NUP50: variants seen among roughly 807,000 people sequenced by gnomAD.
The protein encoded by NUP50 is nuclear pore complex protein Nup50.
A neutral mutation model predicts 36.8 loss-of-function variants in NUP50; 14 were observed. The ratio of observed to expected loss-of-function variants is 0.38; its 90% CI spans 0.25 to 0.59. The LOEUF (loss-of-function observed/expected upper bound fraction) is 0.59. Among genes scored for constraint, NUP50 ranks in the 20% least tolerant of loss-of-function variants. The probability of loss-of-function intolerance (pLI) is 0.63; values close to 1 mark genes in which losing one functional copy is unlikely to be tolerated. For missense variants in NUP50, 455 were observed against 564.6 expected (o/e 0.81, Z 1.97); for synonymous variants, 195 against 210.8 (o/e 0.93, Z 0.65).
At chr22:45,176,867 G>A (rs945350203) in intron 4 of NUP50, among the ~76,000 whole-genome samples, 2 of 151,734 alleles carry the variant, frequency 1.3e-5, no homozygotes, top group African/African-American at 4.8e-5. Context: ...TCAGCCTCCC[G>A]AGTAGCTGGG....
At chr22:45,182,163 A>G (rs2074383560) in intron 6 of NUP50, among the ~76,000 whole-genome samples, 1 of 151,968 alleles carries the variant, frequency 6.6e-6, no homozygotes, top group South Asian at 2.1e-4. Context: ...AAATGAGGCC[A>G]GGCATGGTGG....
chr22:45,178,304 A>G lies in NUP50; in HGVS notation c.407A>G (p.Asp136Gly), dbSNP rs1302104280. 5 of 1,613,886 alleles carry G rather than the reference A, an allele frequency of 3.1e-6. No homozygotes were observed. The African/African-American group carries it at 6.7e-5, about 22-fold the overall frequency. ...DKVSNPKTNGDSQQPSSSGLA... is the reference protein window; with the variant it reads ...DKVSNPKTNGGSQQPSSSGLA... ...GTTTCAAATCCCAAAACTAATGGGG[A>G]CAGTCAGCAGCCCTCCTCCTCTGGC... The change falls in exon 5 of 8, where the codon GAC becomes GGC. Residue 136 changes from aspartate to glycine, a missense_variant. Transcript: ENST00000347635.
Position 45,181,143 on chromosome 22 carries a change from C to A in NUP50, c.1004-143C>A, listed in dbSNP as rs574662177. 8.7e-5 allele frequency: 15 copies of A among 172,850 alleles called. 1 individual carries two copies. Among genetic ancestry groups the A allele is most frequent in the Non-Finnish European group, 1.7e-4 (14 of 82,346 alleles). The allele number at this position is 172,850 out of a possible 1,614,324, so 10.7% of individuals were successfully genotyped here. ...GGTACTCCCTTCTGGCATCCCCCCCCCCCCCCATTAAGTGTGCATTTTAGT... is the reference window on the plus strand; with the variant it reads ...GGTACTCCCTTCTGGCATCCCCCCCACCCCCCATTAAGTGTGCATTTTAGT... On this transcript the variant is annotated intron_variant, in intron 5 of 7. Transcript: ENST00000347635.
chr22:45,184,193 G>T, intron 7 of NUP50: 1 of 492,130 alleles, frequency 2.0e-6, no homozygotes, highest in Admixed American at 3.7e-5. Context: ...GAGCGAGGCT[G>T]CTGGCTCTGA....
At position 45,185,915 on chromosome 22, in the gene NUP50, G is replaced by A. The variant is rs1601796299; in HGVS notation, c.*1260G>A. On this transcript the variant is annotated 3_prime_UTR_variant, in exon 8 of 8. Transcript: ENST00000347635. ...TAGTACCAGCTGATCTTGTGTACAG[G>A]CTCAGGGTCAGTGCCCAAGGGCTCC... The A allele has an allele frequency of 6.6e-6, 1 of 152,214 alleles. No individual in the cohort carries two copies. The highest frequency in any genetic ancestry group is 2.4e-5 in the African/African-American group (1 of 41,444). 9.4% of individuals were successfully genotyped at this position (152,214 alleles called of 1,614,324 possible). A position where few individuals can be genotyped will look rare whatever the true frequency, so the allele number is the denominator to read the frequency against.
rs772338263 is a variant in NUP50, at chr22:45,185,316, G to T, written c.*661G>T. On this transcript the variant is annotated 3_prime_UTR_variant, in exon 8 of 8. Transcript: ENST00000347635. ...TGAACAGCTTGTGAAGGAGTTTTTT[G>T]GCTTCATAGTTTCTATTCATGAGGT... 73 of 152,672 alleles carry T rather than the reference G, an allele frequency of 4.8e-4. No individual in the cohort carries two copies. The highest frequency in any genetic ancestry group is 7.6e-4 in the Non-Finnish European group (52 of 68,338). The allele number at this position is 152,672 out of a possible 1,614,324, so 9.5% of individuals were successfully genotyped here.
chr22:45,170,433 C>T (rs998612870), intron 2 of NUP50, among the ~76,000 whole-genome samples: 2 of 152,176 alleles, frequency 1.3e-5, no homozygotes, highest in East Asian at 3.8e-4. Context: ...TCTGTAACCA[C>T]GACTTTCAGG....
In NUP50 at chr22:45,171,209, A is replaced by T. The variant is rs1020910397; in HGVS notation, c.70-391A>T. The T allele has an allele frequency of 6.2e-6, 7 of 1,123,170 alleles. No homozygotes were observed. In the South Asian group the frequency reaches 9.6e-5, roughly 15 times the overall value. 69.6% of individuals were successfully genotyped at this position (1,123,170 alleles called of 1,614,324 possible). ...TATAAATAACAAAATTTATTTATTT[A>T]TTTTTTTGAGACAGTCTTGCTCTGT... On this transcript the variant is annotated intron_variant, in intron 2 of 7. Coordinates refer to ENST00000347635, the MANE Select transcript of NUP50 (RefSeq NM_007172.4).
In NUP50 at chr22:45,178,310, A is replaced by T; in HGVS notation, c.413A>T (p.Gln138Leu). The change falls in exon 5 of 8, where the codon CAG (glutamine) becomes CTG (leucine). Residue 138 changes from glutamine (Q) to leucine (L), a missense_variant. Gln to Leu is a moderately radical substitution (Grantham distance 113). Coordinates refer to ENST00000347635, the MANE Select transcript of NUP50 (RefSeq NM_007172.4). ...VSNPKTNGDS[Q>L]QPSSSGLASS... ...AATCCCAAAACTAATGGGGACAGTC[A>T]GCAGCCCTCCTCCTCTGGCCTTGCT... 1.2e-6 allele frequency: 2 copies of T among 1,614,050 alleles called. No homozygotes were observed. Among genetic ancestry groups the T allele is most frequent in the Non-Finnish European group, 1.7e-6 (2 of 1,179,878 alleles).
intron 1 of NUP50, among the ~76,000 whole-genome samples, chr22:45,167,708 C>T (rs1020445011): frequency 6.6e-6 from 1 of 152,130 alleles, no homozygotes; most frequent in Non-Finnish European, 1.5e-5. Context: ...TATTCGTATT[C>T]TTACTGAAAG....
chr22:45,166,934 A>G (rs1020739376), intron 1 of NUP50, among the ~76,000 whole-genome samples: 2 of 152,190 alleles, frequency 1.3e-5, no homozygotes, highest in Non-Finnish European at 1.5e-5. Context: ...AAAAATCACT[A>G]AAATGTATTA....
chr22:45,165,226 CG>C (rs2074077068), intron 1 of NUP50, among the ~76,000 whole-genome samples: 1 of 152,290 alleles, frequency 6.6e-6, no homozygotes, highest in East Asian at 1.9e-4. Flanking sequence ...CAAACGCAAA[CG>C]TTTTTTAAAT....
chr22:45,167,039 G>C (rs1484621563), intron 1 of NUP50, among the ~76,000 whole-genome samples: 1 of 152,120 alleles, frequency 6.6e-6, no homozygotes, highest in Admixed American at 6.5e-5. Flanking sequence ...AGATACTAAA[G>C]AGTGATATGT....
At chr22:45,176,244 A>G (rs2074275276) in intron 4 of NUP50, among the ~76,000 whole-genome samples, 164 bp downstream of exon 4, 1 of 152,226 alleles carries the variant, frequency 6.6e-6, no homozygotes, top group Non-Finnish European at 1.5e-5. Flanking sequence ...TTACTTACAG[A>G]GTAAGTGGGT....
chr22:45,186,209 G>A lies in NUP50; in HGVS notation c.*1554G>A, dbSNP rs1182120680. 3 of 152,184 alleles carry A rather than the reference G, an allele frequency of 2.0e-5. No individual in the cohort carries two copies. Among genetic ancestry groups the A allele is most frequent in the Admixed American group, 6.5e-5 (1 of 15,270 alleles). The allele number at this position is 152,184 out of a possible 1,614,324, so 9.4% of individuals were successfully genotyped here. A position where few individuals can be genotyped will look rare whatever the true frequency, so the allele number is the denominator to read the frequency against. ...CTAGTGTGTGGCTTTGGATGAATCC[G>A]TGTAGAGAGAGGTGAGCTTGTCCTG... On this transcript the variant is annotated 3_prime_UTR_variant, in exon 8 of 8. Coordinates refer to ENST00000347635, the MANE Select transcript of NUP50 (RefSeq NM_007172.4).
chr22:45,176,566 C>T (rs1242600299), intron 4 of NUP50, among the ~76,000 whole-genome samples: 2 of 152,086 alleles, frequency 1.3e-5, no homozygotes, highest in Non-Finnish European at 2.9e-5. Flanking sequence ...TTGAGGGAGT[C>T]AGTCAAAAAC....
chr22:45,173,093 C>G (rs1411098048), intron 3 of NUP50, among the ~76,000 whole-genome samples: 3 of 152,126 alleles, frequency 2.0e-5, no homozygotes. Context: ...AAAGCTCTTT[C>G]ATGTAGAATT....
intron 4 of NUP50, among the ~76,000 whole-genome samples, chr22:45,177,339 C>T (rs930708945): frequency 6.6e-6 from 1 of 152,186 alleles, no homozygotes. Context: ...CACCACCACA[C>T]TCAGCTAATT....
In NUP50 at chr22:45,178,752, A is replaced by C. The variant is rs1270233263; in HGVS notation, c.855A>C (p.Leu285Phe). Residue 285 changes from leucine (L) to phenylalanine (F), a missense_variant, in exon 5 of 8, where the codon TTA becomes TTC. Physicochemically the swap from Leu to Phe is conservative, Grantham distance 22 (BLOSUM62 0). Coordinates refer to ENST00000347635, the MANE Select transcript of NUP50 (RefSeq NM_007172.4). ...KKVDSSVLGS[L>F]SSVPLTGFSF... is the part of the protein sequence containing the mutation. ...TTGATAGCTCTGTTTTGGGCTCATT[A>C]AGCTCTGTCCCCCTGACTGGATTTT... 1 of 1,613,866 alleles carries C rather than the reference A, an allele frequency of 6.2e-7. No individual in the cohort carries two copies. The highest frequency in any genetic ancestry group is 8.5e-7 in the Non-Finnish European group (1 of 1,179,912).
Sources: gnomAD v4.1 joint callset for allele counts (sites outside exome capture counted in the v4.1 genomes callset) on GRCh38, gnomAD v4.1.1 for gene constraint, MANE v1.5 for transcripts, NCBI Gene and HGNC (gene_info 2026-07-23, HGNC 2026-07-21) for gene names.